INO80C: variants seen among roughly 807,000 people sequenced by gnomAD.
The protein encoded by INO80C is INO80 complex subunit C.
INO80C carries 17 observed loss-of-function variants against 17.7 expected under a neutral mutation model. The ratio of observed to expected loss-of-function variants is 0.96; its 90% confidence interval spans 0.66 to 1.44. INO80C has a LOEUF of 1.44. Among genes scored for constraint, INO80C ranks in the 40% most tolerant of loss-of-function variants. INO80C has a pLI of 0.00. For synonymous variants in INO80C, 96 were observed against 95.8 expected (o/e 1.00, Z -0.01); for missense variants, 244 against 245.0 (o/e 1.00, Z 0.03).
intron 1 of INO80C, among the ~76,000 whole-genome samples, chr18:35,490,299 T>G (rs766879310): frequency 6.2e-4 from 95 of 152,194 alleles, no homozygotes; most frequent in Non-Finnish European, 1.1e-3. Flanking sequence ...GACTACTCAA[T>G]GCCCTGGACT....
In INO80C at chr18:35,497,796, G is replaced by A. The variant is rs1484747854; in HGVS notation, c.79C>T (p.Pro27Ser). ...CCGCCGCTGCTGCCATTGTGGGAAGGGCTGGCCGGCCTCTTCTTGCTGTTC... is the reference window on the plus strand; with the variant it reads ...CCGCCGCTGCTGCCATTGTGGGAAGAGCTGGCCGGCCTCTTCTTGCTGTTC... Reference protein sequence around the residue: ...VRNSKKRPASPSHNGSSGGGY... With the variant: ...VRNSKKRPASSSHNGSSGGGY... The change falls in exon 1 of 5, where the codon CCT (proline) becomes TCT (serine). Residue 27 changes from proline (P) to serine (S), a missense_variant. Coordinates refer to ENST00000334598, the MANE Select transcript of INO80C (RefSeq NM_194281.4). 6.2e-7 allele frequency: 1 copy of A among 1,613,014 alleles called. No homozygotes were observed. The highest frequency in any genetic ancestry group is 1.3e-5 in the African/African-American group (1 of 74,824).
At chr18:35,495,820 T>C (rs2045975271) in intron 1 of INO80C, among the ~76,000 whole-genome samples, 2 of 152,190 alleles carry the variant, frequency 1.3e-5, no homozygotes, top group South Asian at 2.1e-4. Flanking sequence ...TACACATCAA[T>C]ATAATTTTTT....
chr18:35,482,887 G>C (rs1311663507), intron 1 of INO80C, among the ~76,000 whole-genome samples: 1 of 152,180 alleles, frequency 6.6e-6, no homozygotes, highest in Non-Finnish European at 1.5e-5. Context: ...CTACAGCTCA[G>C]CCAGTGACAT....
rs566742233 is a variant in INO80C at position 35,476,563 on chromosome 18, G to C, written c.447+1719C>G. 8.5e-5 allele frequency among the ~76,000 whole-genome samples: 13 copies of C among 152,190 alleles called. No individual in the cohort carries two copies. In the South Asian group the frequency reaches 2.7e-3, roughly 32 times the overall value. On this transcript the variant is annotated intron_variant, in intron 4 of 4. Coordinates refer to ENST00000334598, the MANE Select transcript of INO80C (RefSeq NM_194281.4). ...TATTAAAAAACGCTCAATAAATCCA[G>C]AGAAGGCAGAAAAAGGGAAATAAGC...
chr18:35,469,546 A>C (rs1272708274), intron 4 of INO80C, among the ~76,000 whole-genome samples: 1 of 152,160 alleles, frequency 6.6e-6, no homozygotes, highest in Non-Finnish European at 1.5e-5. Flanking sequence ...CATTTTGCTC[A>C]GTAATCACCA....
chr18:35,497,385 G>A, intron 1 of INO80C: 2 of 1,087,492 alleles, frequency 1.8e-6, no homozygotes, highest in South Asian at 5.8e-5. Flanking sequence ...AATGGACGAG[G>A]GGAAGACACG....
chr18:35,488,419 G>T (rs1471743926), intron 1 of INO80C, among the ~76,000 whole-genome samples: 1 of 152,198 alleles, frequency 6.6e-6, no homozygotes, highest in Non-Finnish European at 1.5e-5. Flanking sequence ...GCACCCACAG[G>T]CTCAACACTA....
At chr18:35,479,966 T>C (rs1016160089) in intron 2 of INO80C, among the ~76,000 whole-genome samples, 20 of 151,956 alleles carry the variant, frequency 1.3e-4, no homozygotes, top group African/African-American at 2.4e-5. Flanking sequence ...ACTGGTAATA[T>C]TGTATTTCCA....
At chr18:35,489,943 G>A (rs1167505780) in intron 1 of INO80C, among the ~76,000 whole-genome samples, 3 of 151,766 alleles carry the variant, frequency 2.0e-5, no homozygotes, top group South Asian at 4.2e-4. Context: ...CTGTCCTTAT[G>A]TAAGAGAATG....
At chr18:35,486,021 C>G (rs562379497) in intron 1 of INO80C, among the ~76,000 whole-genome samples, 1 of 152,158 alleles carries the variant, frequency 6.6e-6, no homozygotes, top group East Asian at 1.9e-4. Context: ...CCCAGCTACT[C>G]CAGAGGCTGA....
At position 35,480,521 on chromosome 18, in the gene INO80C, A is replaced by G. The variant is rs1256141504; in HGVS notation, c.199T>C (p.Ser67Pro). 1 of 1,614,128 alleles carries G rather than the reference A, an allele frequency of 6.2e-7. No homozygotes were observed. Among genetic ancestry groups the G allele is most frequent in the South Asian group, 1.1e-5 (1 of 91,084 alleles). ...TCCACAGGTCCTGTGCTAAACTCAG[A>G]GGGCACCATTTTATTCTCACTCATG... ...EAMSENKMVPSEFSTGPVEKA... is the reference protein window; with the variant it reads ...EAMSENKMVPPEFSTGPVEKA... The change falls in exon 2 of 5, where the codon TCT (serine) becomes CCT (proline). Residue 67 changes from serine to proline, a missense_variant. Transcript: ENST00000334598.
chr18:35,470,611 G>A (rs147194246), intron 4 of INO80C, among the ~76,000 whole-genome samples: 1 of 152,286 alleles, frequency 6.6e-6, no homozygotes, highest in East Asian at 1.9e-4. Context: ...CATGTCTGTG[G>A]CTGCCTCACT....
At chr18:35,477,281 A>G (rs910902385) in intron 4 of INO80C, among the ~76,000 whole-genome samples, 7 of 152,188 alleles carry the variant, frequency 4.6e-5, no homozygotes, top group Admixed American at 1.3e-4. Flanking sequence ...TATACCATCC[A>G]CACATGAACG....
chr18:35,475,130 C>CAAT (rs60227537), intron 4 of INO80C, among the ~76,000 whole-genome samples: 51,586 of 151,864 alleles, frequency 0.34, 9,213 homozygotes, highest in East Asian at 0.54. Context: ...GAGTCATATT[C>CAAT]AATACCCAGT....
Position 35,468,422 on chromosome 18 carries a change from A to T in INO80C, c.*189T>A, listed in dbSNP as rs146439814. 7.8e-6 allele frequency: 11 copies of T among 1,412,666 alleles called. No homozygotes were observed. In the African/African-American group the frequency reaches 1.3e-4, roughly 17 times the overall value. The allele number at this position is 1,412,666 out of a possible 1,614,324, so 87.5% of individuals were successfully genotyped here. A position where few individuals can be genotyped will look rare whatever the true frequency, so the allele number is the denominator to read the frequency against. On this transcript the variant is annotated 3_prime_UTR_variant, in exon 5 of 5. Transcript: ENST00000334598. ...AGTATAATTTAATTCAGCAGGAAAT[A>T]TCACACTTGGAGGGAAAACACACAC...
At position 35,480,446 on chromosome 18, in the gene INO80C, T is replaced by C. The variant is rs776747942; in HGVS notation, c.267+7A>G. On this transcript the variant is annotated splice_region_variant and intron_variant, in intron 2 of 4. Transcript: ENST00000334598. ...ATGTTTATTCAGCTAATACCTTCGA[T>C]GCTTACCACAAAGTTGGGATCCTTA... 1.9e-6 allele frequency: 3 copies of C among 1,588,798 alleles called. No homozygotes were observed. The highest frequency in any genetic ancestry group is 1.7e-5 in the Admixed American group (1 of 60,008).
At chr18:35,490,644 G>A (rs1368136734) in intron 1 of INO80C, among the ~76,000 whole-genome samples, 1 of 152,178 alleles carries the variant, frequency 6.6e-6, no homozygotes, top group Non-Finnish European at 1.5e-5. Flanking sequence ...TTCCAACAGC[G>A]ATTACAGAAC....
chr18:35,483,176 A>T (rs926352020), intron 1 of INO80C, among the ~76,000 whole-genome samples: 4 of 152,072 alleles, frequency 2.6e-5, no homozygotes, highest in African/African-American at 9.7e-5. Context: ...GGTTAGATTT[A>T]GTTTTTTTTT....
rs193104000 is a variant in INO80C at position 35,494,541 on chromosome 18, A to G, written c.156+3178T>C. Among the ~76,000 whole-genome samples, 613 of 152,366 alleles carry G rather than the reference A, an allele frequency of 4.0e-3. 3 individuals carry two copies. Among genetic ancestry groups the G allele is most frequent in the South Asian group, 8.7e-3 (42 of 4,834 alleles). On this transcript the variant is annotated intron_variant, in intron 1 of 4. Coordinates refer to ENST00000334598, the MANE Select transcript of INO80C (RefSeq NM_194281.4). ...GCTGGCTCTGAAAATGGAAAACGCC[A>G]TGTGGCAAGGAACACGGGCAGCAGC... is the stretch of plus-strand genomic sequence containing the variant.
Sources: gnomAD v4.1 joint callset for allele counts (sites outside exome capture counted in the v4.1 genomes callset) on GRCh38, gnomAD v4.1.1 for gene constraint, MANE v1.5 for transcripts, NCBI Gene and HGNC (gene_info 2026-07-23, HGNC 2026-07-21) for gene names.